Variants in NKAIN1 observed in about 807,000 individuals in gnomAD.
The protein encoded by NKAIN1 is sodium/potassium-transporting ATPase subunit beta-1-interacting protein 1.
NKAIN1 carries 13 observed loss-of-function variants against 31.6 expected under a neutral mutation model. That is an observed-to-expected ratio of 0.41 (90% CI 0.27 to 0.65). The LOEUF (loss-of-function observed/expected upper bound fraction) is 0.65. Among genes scored for constraint, NKAIN1 ranks in the 30% least tolerant of loss-of-function variants. The probability of loss-of-function intolerance (pLI) is 0.30; values close to 1 mark genes in which losing one functional copy is unlikely to be tolerated. For missense variants in NKAIN1, 193 were observed against 262.2 expected (o/e 0.74, Z 1.82); for synonymous variants, 104 against 109.0 (o/e 0.95, Z 0.28).
chr1:31,210,166 T>C (rs1337692076), intron 1 of NKAIN1, among the ~76,000 whole-genome samples: 2 of 152,078 alleles, frequency 1.3e-5, no homozygotes, highest in African/African-American at 2.4e-5. Context: ...ATGCATCTCT[T>C]AGGGCTCAGC....
In NKAIN1 at chr1:31,180,819, T is replaced by C. The variant is rs1645191601; in HGVS notation, c.*884A>G. The C allele has an allele frequency of 6.6e-6, 1 of 152,220 alleles. No homozygotes were observed. Among genetic ancestry groups the C allele is most frequent in the South Asian group, 2.1e-4 (1 of 4,832 alleles). The allele number at this position is 152,220 out of a possible 1,614,324, so 9.4% of individuals were successfully genotyped here. A position where few individuals can be genotyped will look rare whatever the true frequency, so the allele number is the denominator to read the frequency against. On this transcript the variant is annotated 3_prime_UTR_variant, in exon 7 of 7. Coordinates refer to ENST00000373736, the MANE Select transcript of NKAIN1 (RefSeq NM_024522.3). ...GGGTGGGGCTGAATTTGGGGCTTCA[T>C]CCATCCAGTTCCCAATAAGAGAACG... is the stretch of plus-strand genomic sequence containing the variant.
intron 1 of NKAIN1, among the ~76,000 whole-genome samples, chr1:31,221,831 CA>C (rs1645567296): frequency 6.6e-6 from 1 of 152,062 alleles, no homozygotes; most frequent in African/African-American, 2.4e-5. Flanking sequence ...AATGAGGGGC[CA>C]GGGGTAGGGT....
At chr1:31,222,546 C>T (rs35644776) in intron 1 of NKAIN1, among the ~76,000 whole-genome samples, 27,040 of 152,104 alleles carry the variant, frequency 0.18, 3,041 homozygotes, top group East Asian at 0.39. Flanking sequence ...GTGGGGCTCT[C>T]CCATTCTTTC....
chr1:31,205,692 G>A (rs971097684), intron 1 of NKAIN1, among the ~76,000 whole-genome samples: 3 of 136,962 alleles, frequency 2.2e-5, no homozygotes, highest in African/African-American at 5.4e-5. Context: ...ATCTCGGCTC[G>A]GCTCACCGCA....
At chr1:31,186,573 C>T (rs1251730990) in intron 2 of NKAIN1, among the ~76,000 whole-genome samples, 3 of 151,838 alleles carry the variant, frequency 2.0e-5, no homozygotes, top group Non-Finnish European at 4.4e-5. Context: ...ATAAGGGAAC[C>T]AGGGCAGGTG....
Position 31,183,952 on chromosome 1 carries a change from C to A in NKAIN1, c.336G>T (p.Gly112=). Residue 112 remains glycine (G), a synonymous_variant, in exon 4 of 7, where the codon GGG becomes GGT. Coordinates refer to ENST00000373736, the MANE Select transcript of NKAIN1 (RefSeq NM_024522.3). ...GAACAGGTGTCACCAGGCAGCCTGG[C>A]CCATTCTCCATCCACCAGGAGCGGT... is the stretch of plus-strand genomic sequence containing the variant. ...SLHRSWWMEN[G]PGCLVTPVLN... The A allele has an allele frequency of 6.2e-6, 10 of 1,614,066 alleles. No individual in the cohort carries two copies. The highest frequency in any genetic ancestry group is 7.6e-6 in the Non-Finnish European group (9 of 1,180,026).
At chr1:31,206,830 C>T (rs1645428757) in intron 1 of NKAIN1, among the ~76,000 whole-genome samples, 1 of 152,160 alleles carries the variant, frequency 6.6e-6, no homozygotes, top group Non-Finnish European at 1.5e-5. Context: ...ACCTCTGAGC[C>T]TCAAGAGATC....
intron 1 of NKAIN1, among the ~76,000 whole-genome samples, chr1:31,208,957 G>A (rs576335902): frequency 1.3e-5 from 2 of 152,268 alleles, no homozygotes; most frequent in African/African-American, 2.4e-5. Context: ...ACCTCCCAGG[G>A]GGTGGGAGTG....
Position 31,210,201 on chromosome 1 carries a change from G to T in NKAIN1, c.55-22014C>A, listed in dbSNP as rs188906041. ...CGCCCTCCTTTTCCCAAGCCAGCAG[G>T]TACAAGAACTGCAACCTCAGAAGCC... On this transcript the variant is annotated intron_variant, in intron 1 of 6. Transcript: ENST00000373736. Among the ~76,000 whole-genome samples the T allele has an allele frequency of 4.0e-5, 6 of 151,834 alleles. No homozygotes were observed. In the East Asian group the frequency reaches 1.2e-3, roughly 29 times the overall value.
At chr1:31,189,476 G>A (rs773472366) in intron 1 of NKAIN1, among the ~76,000 whole-genome samples, 2 of 151,996 alleles carry the variant, frequency 1.3e-5, no homozygotes, top group African/African-American at 2.4e-5. Flanking sequence ...GCCACCATAC[G>A]CAGCTAATTT....
intron 1 of NKAIN1, among the ~76,000 whole-genome samples, chr1:31,226,875 G>C (rs967347834): frequency 3.3e-5 from 5 of 152,094 alleles, no homozygotes; most frequent in African/African-American, 1.2e-4. Flanking sequence ...CCGGGCTGGA[G>C]TGCAGTGTTG....
At chr1:31,237,539 G>T (rs188615885) in intron 1 of NKAIN1, among the ~76,000 whole-genome samples, 3 of 150,484 alleles carry the variant, frequency 2.0e-5, no homozygotes, top group Non-Finnish European at 4.4e-5. Context: ...TCACTCTGTC[G>T]TCCAGGCTGG....
chr1:31,203,447 T>C (rs1419288181), intron 1 of NKAIN1, among the ~76,000 whole-genome samples: 1 of 151,750 alleles, frequency 6.6e-6, no homozygotes, highest in Non-Finnish European at 1.5e-5. Flanking sequence ...GCCACTTGAG[T>C]AGGACAACGC....
At chr1:31,203,157 C>T (rs1645396034) in intron 1 of NKAIN1, among the ~76,000 whole-genome samples, 1 of 151,570 alleles carries the variant, frequency 6.6e-6, no homozygotes, top group Non-Finnish European at 1.5e-5. Context: ...CCCAGCTACT[C>T]GGGAGGCTGA....
chr1:31,238,188 G>T (rs1440755332), intron 1 of NKAIN1, among the ~76,000 whole-genome samples: 1 of 152,208 alleles, frequency 6.6e-6, no homozygotes, highest in Non-Finnish European at 1.5e-5. Flanking sequence ...GCCCAGGCCA[G>T]GTCTGTGGAT....
intron 1 of NKAIN1, among the ~76,000 whole-genome samples, chr1:31,218,044 C>CTTTCTT (rs1553163620): frequency 7.3e-6 from 1 of 136,470 alleles, no homozygotes; most frequent in Admixed American, 8.3e-5. Context: ...TTCTTTCTTT[C>CTTTCTT]TTTCTTTCTT....
intron 1 of NKAIN1, among the ~76,000 whole-genome samples, chr1:31,211,044 G>A (rs12075912): frequency 3.9e-5 from 6 of 152,182 alleles, no homozygotes; most frequent in African/African-American, 1.2e-4. Flanking sequence ...AGCCACAGCC[G>A]ACATCATACT....
At chr1:31,194,361 T>TTTCCC (rs1470308708) in intron 1 of NKAIN1, among the ~76,000 whole-genome samples, 3 of 151,826 alleles carry the variant, frequency 2.0e-5, no homozygotes, top group Non-Finnish European at 4.4e-5. Flanking sequence ...TTCCTTTTTC[T>TTTCCC]TTCCCTTCCC....
intron 2 of NKAIN1, among the ~76,000 whole-genome samples, chr1:31,187,081 T>C (rs1234318262): frequency 6.6e-6 from 1 of 152,176 alleles, no homozygotes; most frequent in Non-Finnish European, 1.5e-5. Context: ...TGTTCTCTTA[T>C]GTCAGATGAG....
Sources: allele counts gnomAD v4.1 joint callset (sites outside exome capture counted in the v4.1 genomes callset), GRCh38; gene constraint gnomAD v4.1.1; transcripts MANE v1.5; gene names NCBI Gene and HGNC (gene_info 2026-07-23, HGNC 2026-07-21).